The following CSMD1 variants were observed in gnomAD, a reference collection of about 807,000 sequenced individuals.
CSMD1 encodes the protein CUB and Sushi multiple domains 1.
A neutral mutation model predicts 417.5 loss-of-function variants in CSMD1; 213 were observed. The observed-to-expected ratio is 0.51, with a 90% CI of 0.46 to 0.57. The LOEUF (loss-of-function observed/expected upper bound fraction) is 0.57. CSMD1 is among the 20% of genes least tolerant of loss of function. The probability of loss-of-function intolerance (pLI) is 0.00; values close to 1 mark genes in which losing one functional copy is unlikely to be tolerated. For synonymous variants in CSMD1, 2,862 were observed against 1,736.8 expected (o/e 1.65, Z -16.11); for missense variants, 6,923 against 4,529.7 (o/e 1.53, Z -15.17).
intron 3 of CSMD1, among the ~76,000 whole-genome samples, chr8:4,159,589 C>CATT (rs1409036403): frequency 9.9e-5 from 15 of 151,872 alleles, no homozygotes; most frequent in Non-Finnish European, 1.8e-4. Flanking sequence ...GATTGCAGAC[C>CATT]ATTATTATTA....
intron 7 of CSMD1, among the ~76,000 whole-genome samples, chr8:3,624,916 T>C (rs1796420621): frequency 6.6e-6 from 1 of 152,172 alleles, no homozygotes; most frequent in African/African-American, 2.4e-5. Context: ...AATGAAACTT[T>C]GTCATGCCAC....
intron 62 of CSMD1, 30 bp from the exon 63 acceptor site, chr8:2,957,837 A>G (rs1803128548): frequency 7.0e-7 from 1 of 1,433,714 alleles, no homozygotes; most frequent in South Asian, 1.2e-5. Context: ...CTAGCTTCAG[A>G]GGCCAAGGGA....
chr8:4,893,897 A>AG (rs1385989632), intron 1 of CSMD1, among the ~76,000 whole-genome samples: 1 of 152,062 alleles, frequency 6.6e-6, no homozygotes, highest in Non-Finnish European at 1.5e-5. Context: ...TATTTAACCA[A>AG]GGGGGCGGGG....
chr8:4,976,778 G>C (rs185949436), intron 1 of CSMD1, among the ~76,000 whole-genome samples: 51 of 152,180 alleles, frequency 3.4e-4, no homozygotes, highest in African/African-American at 1.1e-3. Flanking sequence ...TGATATGGTA[G>C]GTATATGACA....
chr8:3,382,140 T>C (rs111952433), intron 18 of CSMD1, among the ~76,000 whole-genome samples: 4,125 of 151,912 alleles, frequency 0.027, 180 homozygotes, highest in African/African-American at 0.092. Context: ...GAGCCTGTAA[T>C]CCCGGCTGCT....
chr8:3,774,779 C>G (rs183526787), intron 5 of CSMD1, among the ~76,000 whole-genome samples: 5 of 152,264 alleles, frequency 3.3e-5, no homozygotes, highest in Admixed American at 6.5e-5. Flanking sequence ...ATATGGATGA[C>G]ACAGTGTCCG....
chr8:4,402,611 C>T (rs568293236), intron 3 of CSMD1, among the ~76,000 whole-genome samples: 10 of 152,192 alleles, frequency 6.6e-5, no homozygotes, highest in African/African-American at 2.2e-4. Context: ...CATTACTGCT[C>T]CCCATTCTTT....
At chr8:3,927,400 C>T (rs1485162914) in intron 5 of CSMD1, among the ~76,000 whole-genome samples, 4 of 151,964 alleles carry the variant, frequency 2.6e-5, no homozygotes, top group African/African-American at 4.8e-5. Context: ...GACACAGTGG[C>T]TCCTACCTGT....
intron 3 of CSMD1, among the ~76,000 whole-genome samples, chr8:4,246,583 C>G (rs537702874): frequency 1.6e-4 from 25 of 152,148 alleles, no homozygotes; most frequent in African/African-American, 5.1e-4. Context: ...ATTTGCAATT[C>G]TCCTGTAGAA....
intron 12 of CSMD1, among the ~76,000 whole-genome samples, chr8:3,411,066 G>A (rs1264342447): frequency 2.0e-5 from 3 of 152,196 alleles, no homozygotes; most frequent in Non-Finnish European, 4.4e-5. Flanking sequence ...GGGAGGCCCT[G>A]CCTGTTGGGC....
rs190690604 is a variant in CSMD1 at position 3,802,319 on chromosome 8, T to C, written c.819-48277A>G. ...TTTAAAATACTATTGCCATTTATTA[T>C]AGTAATTCCTATTATGTTATACATC... is the stretch of plus-strand genomic sequence containing the variant. On this transcript the variant is annotated intron_variant, in intron 5 of 69. Transcript: ENST00000635120. Among the ~76,000 whole-genome samples the C allele has an allele frequency of 1.2e-4, 19 of 152,330 alleles. No homozygotes were observed. In the East Asian group the frequency reaches 3.1e-3, roughly 25 times the overall value.
At chr8:4,373,200 C>T (rs955716704) in intron 3 of CSMD1, among the ~76,000 whole-genome samples, 1 of 152,184 alleles carries the variant, frequency 6.6e-6, no homozygotes, top group South Asian at 2.1e-4. Flanking sequence ...CTGTCAAAGT[C>T]ATCACAAACA....
intron 1 of CSMD1, among the ~76,000 whole-genome samples, chr8:4,916,988 G>C (rs1029384077): frequency 8.5e-5 from 13 of 152,198 alleles, no homozygotes; most frequent in African/African-American, 2.9e-4. Flanking sequence ...AGGTGTATTA[G>C]CTCATTCTTA....
intron 33 of CSMD1, among the ~76,000 whole-genome samples, chr8:3,196,692 C>T (rs902109658): frequency 6.6e-6 from 1 of 152,186 alleles, no homozygotes; most frequent in African/African-American, 2.4e-5. Context: ...AGGACTCATG[C>T]CTGAGCCACA....
intron 26 of CSMD1, among the ~76,000 whole-genome samples, chr8:3,274,348 C>G (rs530113884): frequency 7.9e-5 from 12 of 152,098 alleles, no homozygotes; most frequent in Admixed American, 7.2e-4. Context: ...TTACTTCCAA[C>G]TATGTGGTCA....
intron 49 of CSMD1, among the ~76,000 whole-genome samples, chr8:3,070,139 C>T (rs1055065961): frequency 1.3e-5 from 2 of 152,206 alleles, no homozygotes; most frequent in Admixed American, 1.3e-4. Context: ...TCTTCTCCTC[C>T]CAGGATTCTA....
intron 3 of CSMD1, among the ~76,000 whole-genome samples, chr8:4,271,712 T>C (rs904738461): frequency 6.6e-6 from 1 of 152,182 alleles, no homozygotes; most frequent in East Asian, 1.9e-4. Flanking sequence ...CCTAACTCAC[T>C]ACTAAATCCC....
chr8:3,807,479 G>C (rs1191429596), intron 5 of CSMD1, among the ~76,000 whole-genome samples: 2 of 152,078 alleles, frequency 1.3e-5, no homozygotes, highest in East Asian at 1.9e-4. Flanking sequence ...GAAATGTCAA[G>C]TTATCTTTGA....
intron 1 of CSMD1, among the ~76,000 whole-genome samples, chr8:4,815,694 CAAA>C (rs1218931391): frequency 0.021 from 1,418 of 67,628 alleles, 18 homozygotes; most frequent in African/African-American, 0.071. Context: ...AAAGCTGTCT[CAAA>C]AAAAAAAAAA....
Sources: gnomAD v4.1 joint callset for allele counts (sites outside exome capture counted in the v4.1 genomes callset) on GRCh38, gnomAD v4.1.1 for gene constraint, MANE v1.5 for transcripts, NCBI Gene and HGNC (gene_info 2026-07-23, HGNC 2026-07-21) for gene names.